The following DNAH10 variants were observed in gnomAD, a reference collection of about 807,000 sequenced individuals.
DNAH10 encodes the protein axonemal beta dynein heavy chain 10.
Under a neutral mutation model 506.6 loss-of-function variants are expected in DNAH10, and 348 were observed. The observed-to-expected ratio is 0.69, with a 90% CI of 0.63 to 0.75. The LOEUF (loss-of-function observed/expected upper bound fraction) is 0.75, where lower values mean the gene tolerates loss of function less well. Among genes scored for constraint, DNAH10 ranks in the 30% least tolerant of loss-of-function variants. The pLI, the probability that DNAH10 is intolerant of heterozygous loss-of-function variation, is 0.00. For synonymous variants in DNAH10, 2,059 were observed against 2,198.6 expected (o/e 0.94, Z 1.78); for missense variants, 5,179 against 5,787.1 (o/e 0.89, Z 3.41).
At position 123,916,532 on chromosome 12, in the gene DNAH10, C is replaced by T. The variant is rs376251839; in HGVS notation, c.10798C>T (p.Arg3600Cys). ...AAAGTACGGGACCCCTTTCCTGTTC[C>T]GCGATGTTGATGAATACATCGATCC... ...SIKYGTPFLF[R>C]DVDEYIDPVI... is the part of the protein sequence containing the mutation. Residue 3600 changes from arginine to cysteine, a missense_variant, in exon 63 of 79, where the codon CGC becomes TGC. Physicochemically the swap from Arg to Cys is radical, Grantham distance 180. Around this residue, in one of 3 missense-constraint regions of DNAH10, gnomAD observed 4,844 missense variants for 5,430.5 expected, o/e 0.89. Transcript: ENST00000673944. This position sits in a 1 kb window ranked among gnomAD's most constrained non-coding sequence, Gnocchi z 4.6. 34 of 1,613,740 alleles carry T rather than the reference C, an allele frequency of 2.1e-5. No individual in the cohort carries two copies. The highest frequency in any genetic ancestry group is 6.7e-5 in the African/African-American group (5 of 74,886).
intron 1 of DNAH10, among the ~76,000 whole-genome samples, chr12:123,763,689 G>A (rs1228035510): frequency 6.8e-6 from 1 of 147,688 alleles, no homozygotes; most frequent in Non-Finnish European, 1.5e-5. Flanking sequence ...TCAGCTTCCT[G>A]AGTAGCTGGG....
intron 53 of DNAH10, among the ~76,000 whole-genome samples, chr12:123,893,973 C>T (rs1953106256): frequency 6.6e-6 from 1 of 151,772 alleles, no homozygotes; most frequent in Admixed American, 6.6e-5. Context: ...GTGAGAAACT[C>T]TGCTTTTGAT....
chr12:123,801,525 T>C (rs910952857), intron 16 of DNAH10, 93 bp downstream of exon 16: 39 of 1,457,202 alleles, frequency 2.7e-5, no homozygotes, highest in Non-Finnish European at 3.2e-5. Context: ...TTCATATGTT[T>C]ATAGAGACAA....
At chr12:123,875,984 T>C (rs1952240640) in intron 47 of DNAH10, among the ~76,000 whole-genome samples, 1 of 152,238 alleles carries the variant, frequency 6.6e-6, no homozygotes, top group African/African-American at 2.4e-5. Flanking sequence ...GCCTAGTGCA[T>C]AGCAGCTACT....
rs35553163 is a variant in DNAH10 at position 123,921,691 on chromosome 12, G to GTTTTTTTT, written c.11507-2039_11507-2032dup. Among the ~76,000 whole-genome samples the GTTTTTTTT allele has an allele frequency of 4.8e-4, 30 of 62,882 alleles. 3 individuals are homozygous for GTTTTTTTT. The highest frequency in any genetic ancestry group is 6.3e-4 in the Non-Finnish European group (22 of 35,182). The allele number at this position is 62,882 out of a possible 152,430, so 41.3% of individuals were successfully genotyped here. ...CTTGTCCATCTGTCTGTAGCTTGCA[G>GTTTTTTTT]TTTTTTTTTTTTTTTTTTTTTTTTT... On this transcript the variant is annotated intron_variant, in intron 65 of 78. Coordinates refer to ENST00000673944, the MANE Select transcript of DNAH10 (RefSeq NM_001372106.1).
chr12:123,845,617 T>C lies in DNAH10; in HGVS notation c.5378T>C (p.Leu1793Pro), dbSNP rs1375571480. The stretch of plus-strand genomic sequence containing the variant: ...TTCTGCAGAGTCGACTGGATGCTCC[T>C]GTACCAGGGCATGGTGGTGCTGGCC... ...EDRSRVDWML[L>P]YQGMVVLAAS... Residue 1793 changes from leucine (L) to proline (P), a missense_variant, in exon 31 of 79, where the codon CTG (leucine) becomes CCG (proline). Physicochemically the swap from Leu to Pro is moderately conservative, Grantham distance 98. Transcript: ENST00000673944. The C allele has an allele frequency of 3.1e-6, 5 of 1,613,214 alleles. No homozygotes were observed. The East Asian group carries it at 8.9e-5, about 29-fold the overall frequency.
In DNAH10 at chr12:123,878,058, C is replaced by A. The variant is rs561042163; in HGVS notation, c.8372+150C>A. On this transcript the variant is annotated intron_variant, in intron 48 of 78. Coordinates refer to ENST00000673944, the MANE Select transcript of DNAH10 (RefSeq NM_001372106.1). Reference sequence around the variant, plus strand: ...GCTTATGTTGAAGAAGAGAGACCAACACTTGGCTTAAGGCTTGATGCTTTG... The same window carrying A: ...GCTTATGTTGAAGAAGAGAGACCAAAACTTGGCTTAAGGCTTGATGCTTTG... The A allele has an allele frequency of 1.1e-3, 1,224 of 1,140,226 alleles. 3 individuals are homozygous for A. The highest frequency in any genetic ancestry group is 9.4e-3 in the Middle Eastern group (40 of 4,278). The allele number at this position is 1,140,226 out of a possible 1,614,324, so 70.6% of individuals were successfully genotyped here. A position where few individuals can be genotyped will look rare whatever the true frequency, so the allele number is the denominator to read the frequency against.
intron 37 of DNAH10, 37 bp downstream of exon 37, chr12:123,857,284 T>G (rs1369463074): frequency 7.4e-6 from 11 of 1,478,938 alleles, no homozygotes; most frequent in Non-Finnish European, 9.0e-6. Context: ...TGGCCGTGCA[T>G]CCTTTCCATT....
intron 33 of DNAH10, 105 bp downstream of exon 33, chr12:123,848,200 G>A: frequency 6.7e-7 from 1 of 1,485,972 alleles, no homozygotes; most frequent in Non-Finnish European, 9.0e-7. Flanking sequence ...AGTGGAAGAA[G>A]CTAGTAGAAA....
In DNAH10 at chr12:123,903,076, C is replaced by A. The variant is rs762172079; in HGVS notation, c.9778C>A (p.Leu3260Met). 2.5e-6 allele frequency: 4 copies of A among 1,611,928 alleles called. No individual in the cohort carries two copies. The highest frequency in any genetic ancestry group is 3.4e-6 in the Non-Finnish European group (4 of 1,179,104). Residue 3260 changes from leucine (L) to methionine (M), a missense_variant, in exon 57 of 79, where the codon CTG (leucine) becomes ATG (methionine). Leu to Met is a conservative substitution (Grantham distance 15). Transcript: ENST00000673944. This position sits in a 1 kb window ranked among gnomAD's most constrained non-coding sequence, Gnocchi z 4.6. ...MPILEAAKLE[L>M]QKLDKSDVTE... ...CATCCTGGAGGCCGCCAAGCTGGAA[C>A]TGCAGAAGCTGGACAAGTCGGACGT... is the stretch of plus-strand genomic sequence containing the variant.
At chr12:123,904,523 G>T (rs79632791) in intron 57 of DNAH10, among the ~76,000 whole-genome samples, 2,597 of 152,102 alleles carry the variant, frequency 0.017, 61 homozygotes, top group African/African-American at 0.058. Flanking sequence ...GTGGAGGAGT[G>T]GGGGGGAGCT....
At chr12:123,796,482 C>T (rs1223201289) in intron 12 of DNAH10, among the ~76,000 whole-genome samples, 174 bp from the exon 13 acceptor site, 1 of 152,026 alleles carries the variant, frequency 6.6e-6, no homozygotes, top group Non-Finnish European at 1.5e-5. Flanking sequence ...AAAAAGATTA[C>T]TACAGAGCAT....
At chr12:123,803,326 C>T (rs1162454250) in intron 16 of DNAH10, among the ~76,000 whole-genome samples, 5 of 152,256 alleles carry the variant, frequency 3.3e-5, no homozygotes, top group South Asian at 4.1e-4. Context: ...GAGGAGGCTG[C>T]GGGCAGGTGG....
intron 19 of DNAH10, among the ~76,000 whole-genome samples, chr12:123,809,689 G>A (rs1045424154): frequency 5.5e-5 from 7 of 126,658 alleles, no homozygotes; most frequent in South Asian, 2.3e-4. Context: ...ATATCATTTC[G>A]TGTCATCCCT....
Position 123,907,676 on chromosome 12 carries a change from G to A in DNAH10, c.9816-1585G>A, listed in dbSNP as rs116982630. Among the ~76,000 whole-genome samples the A allele has an allele frequency of 7.5e-4, 114 of 152,294 alleles. No individual in the cohort carries two copies. The highest frequency in any genetic ancestry group is 6.2e-3 in the East Asian group (32 of 5,182). On this transcript the variant is annotated intron_variant, in intron 57 of 78. Coordinates refer to ENST00000673944, the MANE Select transcript of DNAH10 (RefSeq NM_001372106.1). This position sits in a 1 kb window ranked among gnomAD's most constrained non-coding sequence, Gnocchi z 4.4. ...AACTTGCCCAAGGGCTCAGGACCCC[G>A]CCGCAGGCCTGGGCTCCTTCTGTCT...
chr12:123,889,689 G>A (rs1401975236), intron 52 of DNAH10, among the ~76,000 whole-genome samples: 5 of 152,218 alleles, frequency 3.3e-5, no homozygotes, highest in Non-Finnish European at 5.9e-5. Flanking sequence ...GAGAGATGCT[G>A]TGTGATCACA....
Position 123,848,899 on chromosome 12 carries a change from C to T in DNAH10, c.6102+17C>T. ...ACGTTCCAGGTGAGACACATGAAGC[C>T]CCCGGGACCATGTCCCTAGGATGGA... On this transcript the variant is annotated intron_variant, in intron 34 of 78. Coordinates refer to ENST00000673944, the MANE Select transcript of DNAH10 (RefSeq NM_001372106.1). The T allele has an allele frequency of 1.2e-6, 2 of 1,612,290 alleles. No homozygotes were observed. Among genetic ancestry groups the T allele is most frequent in the Non-Finnish European group, 1.7e-6 (2 of 1,179,168 alleles).
rs1359321970 is a variant in DNAH10, at chr12:123,870,479, A to T, written c.7633A>T (p.Ile2545Phe). 1.2e-6 allele frequency: 2 copies of T among 1,613,292 alleles called. No individual in the cohort carries two copies. Among genetic ancestry groups the T allele is most frequent in the African/African-American group, 2.7e-5 (2 of 74,888 alleles). ...IHAPERKFINILVHTVDTTRT... is the reference protein window; with the variant it reads ...IHAPERKFINFLVHTVDTTRT... ...TGCCCCCGAGAGGAAATTCATCAAC[A>T]TCCTGGGTAAGTCAGAGTCAAATCC... Residue 2545 changes from isoleucine to phenylalanine, a missense_variant, in exon 44 of 79, where the codon ATC becomes TTC. Coordinates refer to ENST00000673944, the MANE Select transcript of DNAH10 (RefSeq NM_001372106.1).
chr12:123,763,692 T>TA (rs989142730), intron 1 of DNAH10, among the ~76,000 whole-genome samples: 1 of 150,754 alleles, frequency 6.6e-6, no homozygotes, highest in African/African-American at 2.5e-5. Flanking sequence ...GCTTCCTGAG[T>TA]AGCTGGGACT....
Sources: allele counts gnomAD v4.1 joint callset (sites outside exome capture counted in the v4.1 genomes callset), GRCh38; gene constraint gnomAD v4.1.1; regional missense constraint gnomAD v4.1.1; non-coding constraint Gnocchi (gnomAD v3.1); transcripts MANE v1.5; gene names NCBI Gene and HGNC (gene_info 2026-07-23, HGNC 2026-07-21).